The following TRAFD1 variants were observed in gnomAD, a reference collection of about 807,000 sequenced individuals.
TRAFD1 encodes the protein TRAF-type zinc finger domain-containing protein 1.
In TRAFD1, 38 loss-of-function variants were observed where a neutral mutation model predicts 65.3. That is an observed-to-expected ratio of 0.58 (90% confidence interval 0.45 to 0.76). The LOEUF (loss-of-function observed/expected upper bound fraction) is 0.76, where lower values mean the gene tolerates loss of function less well. Ranked by LOEUF, TRAFD1 falls within the 30% of genes least tolerant of loss-of-function variation. The pLI is 0.00. For synonymous variants in TRAFD1, 223 were observed against 257.2 expected (o/e 0.87, Z 1.27); for missense variants, 631 against 712.6 (o/e 0.89, Z 1.30).
intron 1 of TRAFD1, chr12:112,125,847 GC>G (rs1241878883): frequency 1.3e-5 from 2 of 152,302 alleles, no homozygotes. Flanking sequence ...CCCCTTCGCG[GC>G]CTAGGTTGGT....
intron 1 of TRAFD1, among the ~76,000 whole-genome samples, chr12:112,127,696 C>A (rs1395407729): frequency 6.6e-6 from 1 of 151,676 alleles, no homozygotes; most frequent in African/African-American, 2.4e-5. Context: ...GAGGGAGTCT[C>A]GCTCTGTCGC....
chr12:112,135,959 T>A (rs1042183006), intron 4 of TRAFD1, among the ~76,000 whole-genome samples: 1 of 149,170 alleles, frequency 6.7e-6, no homozygotes, highest in Admixed American at 6.8e-5. Flanking sequence ...CTGGCCAACA[T>A]GGTGAAACCC....
chr12:112,135,172 A>C (rs1206538691), intron 4 of TRAFD1, 106 bp downstream of exon 4: 27 of 1,276,900 alleles, frequency 2.1e-5, no homozygotes, highest in Non-Finnish European at 2.7e-5. Flanking sequence ...CCGTGAGCTC[A>C]CATGCATACT....
chr12:112,151,703 G>C (rs975556419), intron 9 of TRAFD1, 98 bp from the exon 10 acceptor site: 5 of 1,248,498 alleles, frequency 4.0e-6, no homozygotes, highest in Non-Finnish European at 5.5e-6. Context: ...TGGCTGAGCA[G>C]TTGTCTTCTA....
chr12:112,129,314 A>G (rs1432918181), intron 1 of TRAFD1, among the ~76,000 whole-genome samples: 3 of 145,590 alleles, frequency 2.1e-5, no homozygotes, highest in African/African-American at 5.1e-5. Context: ...TGATCTTCCC[A>G]TCTCAGCCTT....
chr12:112,150,251 TATTTA>T (rs1201166278), intron 9 of TRAFD1, among the ~76,000 whole-genome samples: 1 of 152,130 alleles, frequency 6.6e-6, no homozygotes, highest in Non-Finnish European at 1.5e-5. Context: ...CTATTATTAT[TATTTA>T]ATTTTTTTGT....
intron 6 of TRAFD1, 76 bp downstream of exon 6, chr12:112,142,371 T>C: frequency 6.8e-7 from 1 of 1,461,018 alleles, no homozygotes; most frequent in Non-Finnish European, 9.3e-7. Flanking sequence ...TCTTATACAA[T>C]TGAAAGATTT....
chr12:112,141,299 C>A, intron 5 of TRAFD1, 75 bp downstream of exon 5: 2 of 1,528,990 alleles, frequency 1.3e-6, no homozygotes, highest in Non-Finnish European at 1.8e-6. Context: ...GCTTTGGGGC[C>A]AGATAGATCT....
chr12:112,135,564 G>A (rs2079594636), intron 4 of TRAFD1, among the ~76,000 whole-genome samples: 1 of 151,958 alleles, frequency 6.6e-6, no homozygotes, highest in Admixed American at 6.6e-5. Flanking sequence ...CTCCTGAGTA[G>A]CTGGGATTAT....
intron 1 of TRAFD1, among the ~76,000 whole-genome samples, chr12:112,128,980 G>A (rs1566046578): frequency 6.9e-6 from 1 of 145,414 alleles, no homozygotes; most frequent in South Asian, 2.2e-4. Context: ...GCAGTGAGCC[G>A]AGATCGCACC....
At chr12:112,145,011 G>C (rs1019140337) in intron 6 of TRAFD1, among the ~76,000 whole-genome samples, 1 of 152,160 alleles carries the variant, frequency 6.6e-6, no homozygotes, top group African/African-American at 2.4e-5. Flanking sequence ...CTAAAATCTA[G>C]ATGGGTAGAA....
chr12:112,150,143 C>G (rs1442149945), intron 9 of TRAFD1, among the ~76,000 whole-genome samples: 1 of 152,198 alleles, frequency 6.6e-6, no homozygotes, highest in Non-Finnish European at 1.5e-5. Context: ...GGTTTCCTAT[C>G]TGTGCACTTA....
Position 112,130,066 on chromosome 12 carries a change from A to G in TRAFD1, c.-12-445A>G, listed in dbSNP as rs1254459995. Among the ~76,000 whole-genome samples, 1 of 150,836 alleles carries G rather than the reference A, an allele frequency of 6.6e-6. No individual in the cohort carries two copies. The highest frequency in any genetic ancestry group is 1.9e-4 in the East Asian group (1 of 5,164). On this transcript the variant is annotated intron_variant, in intron 1 of 11. Coordinates refer to ENST00000412615, the MANE Select transcript of TRAFD1 (RefSeq NM_006700.3). This position sits in a 1 kb window ranked among gnomAD's most constrained non-coding sequence, Gnocchi z 4.4. ...CTAGGCTTAAGCATTCCTCTTGCAC[A>G]TTCCTCCTGCCTCGGCCTCTCGAGT... is the stretch of plus-strand genomic sequence containing the variant.
At position 112,152,294 on chromosome 12, in the gene TRAFD1, AAAAAATTATTTTG is replaced by A; in HGVS notation, c.1620-132_1620-120del. 2 of 1,443,468 alleles carry A rather than the reference AAAAAATTATTTTG, an allele frequency of 1.4e-6. No homozygotes were observed. Among genetic ancestry groups the A allele is most frequent in the Non-Finnish European group, 1.9e-6 (2 of 1,061,578 alleles). The allele number at this position is 1,443,468 out of a possible 1,614,324, so 89.4% of individuals were successfully genotyped here. A position where few individuals can be genotyped will look rare whatever the true frequency, so the allele number is the denominator to read the frequency against. Reference sequence around the variant, plus strand: ...TTCCCTGTATTGTCACCTGACTCCAAAAAAATTATTTTGTGGCCTATGGGTTTTTTGGGGTTTG... The same window carrying A: ...TTCCCTGTATTGTCACCTGACTCCAATGGCCTATGGGTTTTTTGGGGTTTG... On this transcript the variant is annotated intron_variant, in intron 10 of 11. Coordinates refer to ENST00000412615, the MANE Select transcript of TRAFD1 (RefSeq NM_006700.3). The surrounding 1 kb of genome is among the most constrained non-coding windows in gnomAD (Gnocchi z 5.0).
chr12:112,147,256 C>G (rs1028058821), intron 7 of TRAFD1, among the ~76,000 whole-genome samples: 1 of 151,968 alleles, frequency 6.6e-6, no homozygotes, highest in African/African-American at 2.4e-5. Flanking sequence ...TTCAGCCTCC[C>G]AAAGTGCTGA....
intron 1 of TRAFD1, among the ~76,000 whole-genome samples, chr12:112,128,214 C>T (rs900701412): frequency 1.1e-4 from 16 of 151,362 alleles, no homozygotes; most frequent in African/African-American, 3.9e-4. Flanking sequence ...CCATGCTGGC[C>T]AGGCTGGTCT....
At chr12:112,136,506 C>T (rs1266736353) in intron 4 of TRAFD1, among the ~76,000 whole-genome samples, 1 of 152,040 alleles carries the variant, frequency 6.6e-6, no homozygotes, top group Admixed American at 6.6e-5. Context: ...TGATCTTGAA[C>T]TCCTGACCTC....
intron 1 of TRAFD1, among the ~76,000 whole-genome samples, chr12:112,127,784 C>T (rs1450182149): frequency 6.6e-6 from 1 of 151,392 alleles, no homozygotes; most frequent in East Asian, 2.0e-4. Flanking sequence ...CCATGTTAGG[C>T]AGGATGGTCT....
At chr12:112,146,454 G>A (rs1436723750) in intron 7 of TRAFD1, among the ~76,000 whole-genome samples, 1 of 152,152 alleles carries the variant, frequency 6.6e-6, no homozygotes, top group Admixed American at 6.5e-5. Flanking sequence ...AGTGACTGGT[G>A]CACATATATC....
Sources: gnomAD v4.1 joint callset for allele counts (sites outside exome capture counted in the v4.1 genomes callset) on GRCh38, gnomAD v4.1.1 for gene constraint, Gnocchi (gnomAD v3.1) non-coding constraint, MANE v1.5 for transcripts, NCBI Gene and HGNC (gene_info 2026-07-23, HGNC 2026-07-21) for gene names.